KEL: variants seen among roughly 807,000 people sequenced by gnomAD.
KEL encodes kell blood group glycoprotein.
In KEL, 96 loss-of-function variants were observed where a neutral mutation model predicts 99.5. That is an observed-to-expected ratio of 0.97 (90% CI 0.82 to 1.14). The LOEUF (loss-of-function observed/expected upper bound fraction) is 1.14. KEL is among the 50% of genes most tolerant of loss of function. The pLI is 0.00. For missense variants in KEL, 926 were observed against 924.2 expected, an observed-to-expected ratio of 1.00 and a Z score of -0.03; for synonymous variants, 355 against 354.8, an observed-to-expected ratio of 1.00 and a Z score of -0.01.
In KEL at chr7:142,952,642, T is replaced by G; in HGVS notation, c.1074-4A>C. ...CATGTGGCTCTGCAGAAAGTCCCTA[T>G]GGAGACAAAAGAGACCCACACATAT... On this transcript the variant is annotated splice_polypyrimidine_tract_variant and splice_region_variant and intron_variant, in intron 9 of 18. Coordinates refer to ENST00000355265, the MANE Select transcript of KEL (RefSeq NM_000420.3). 2 of 1,613,942 alleles carry G rather than the reference T, an allele frequency of 1.2e-6. 1 individual carries two copies. The highest frequency in any genetic ancestry group is 2.2e-5 in the South Asian group (2 of 91,064).
At position 142,952,621 on chromosome 7, in the gene KEL, T is replaced by A. The variant is rs138434225; in HGVS notation, c.1091A>T (p.His364Leu). Residue 364 changes from histidine to leucine, a missense_variant, in exon 10 of 19, where the codon CAC becomes CTC. Coordinates refer to ENST00000355265, the MANE Select transcript of KEL (RefSeq NM_000420.3). ...LLKQRDFLQSHMILGLVVTLS... is the reference protein window; with the variant it reads ...LLKQRDFLQSLMILGLVVTLS... ...GGTCACCACCAGCCCTAAGATCATG[T>A]GGCTCTGCAGAAAGTCCCTATGGAG... is the stretch of plus-strand genomic sequence containing the variant. The A allele has an allele frequency of 1.9e-6, 3 of 1,614,142 alleles. No individual in the cohort carries two copies. The highest frequency in any genetic ancestry group is 3.3e-5 in the Admixed American group (2 of 60,030).
chr7:142,945,773 C>A (rs1469216104), intron 11 of KEL, among the ~76,000 whole-genome samples: 2 of 152,084 alleles, frequency 1.3e-5, no homozygotes, highest in African/African-American at 2.4e-5. Flanking sequence ...GGATTACAGG[C>A]ATGCACCACC....
At position 142,942,429 on chromosome 7, in the gene KEL, C is replaced by T. The variant is rs1796383522; in HGVS notation, c.2037+5G>A. ...AAGCTGTGGCGGGAGGTGGCCGCTG[C>T]CTACCTGGGCATAGCTTCGAAAGAA... On this transcript the variant is annotated splice_donor_5th_base_variant and intron_variant, in intron 18 of 18. Coordinates refer to ENST00000355265, the MANE Select transcript of KEL (RefSeq NM_000420.3). 2 of 1,574,628 alleles carry T rather than the reference C, an allele frequency of 1.3e-6. No individual in the cohort carries two copies. The highest frequency in any genetic ancestry group is 1.7e-6 in the Non-Finnish European group (2 of 1,157,662).
Position 142,943,741 on chromosome 7 carries a change from T to C in KEL, c.1592+42A>G, listed in dbSNP as rs777253256. ...TCCTTTCCTGTGAATCATGGATGGG[T>C]CTCTCTGGGATGGAGTGCCTGTGTC... On this transcript the variant is annotated intron_variant, in intron 14 of 18. Coordinates refer to ENST00000355265, the MANE Select transcript of KEL (RefSeq NM_000420.3). The C allele has an allele frequency of 1.9e-6, 3 of 1,567,618 alleles. No individual in the cohort carries two copies. The South Asian group carries it at 3.3e-5, about 17-fold the overall frequency.
chr7:142,955,763 T>C (rs6958998), intron 6 of KEL, among the ~76,000 whole-genome samples: 12,257 of 152,222 alleles, frequency 0.081, 1,154 homozygotes, highest in African/African-American at 0.23. Context: ...CACTTGACCC[T>C]TTTGCTACAT....
rs766267455 is a variant in KEL at position 142,943,407 on chromosome 7, A to C, written c.1704-64T>G. 4.7e-5 allele frequency: 75 copies of C among 1,608,636 alleles called. 1 individual carries two copies. The South Asian group carries it at 5.5e-4, about 12-fold the overall frequency. On this transcript the variant is annotated intron_variant, in intron 15 of 18. Coordinates refer to ENST00000355265, the MANE Select transcript of KEL (RefSeq NM_000420.3). Reference sequence around the variant, plus strand: ...CAGCATTTGTGACCCCAATTCTCCAACCGTAAGTCCCATCCATCATAACAC... The same window carrying C: ...CAGCATTTGTGACCCCAATTCTCCACCCGTAAGTCCCATCCATCATAACAC...
chr7:142,946,771 C>T (rs772568945), intron 10 of KEL, among the ~76,000 whole-genome samples: 3 of 152,212 alleles, frequency 2.0e-5, no homozygotes, highest in Non-Finnish European at 4.4e-5. Flanking sequence ...ACCACCATCA[C>T]CTTTATCCTC....
In KEL at chr7:142,952,596, G is replaced by A. The variant is rs1219347286; in HGVS notation, c.1116C>T (p.Thr372=). ...ATTGACTGTCCAGGGCTGGAGAAAG[G>A]GTCACCACCAGCCCTAAGATCATGT... is the stretch of plus-strand genomic sequence containing the variant. ...QSHMILGLVV[T]LSPALDSQFQ... is the part of the protein sequence containing the mutation. The change falls in exon 10 of 19, where the codon ACC becomes ACT. Residue 372 remains threonine (T), a synonymous_variant. Transcript: ENST00000355265. The A allele has an allele frequency of 2.5e-6, 4 of 1,613,880 alleles. No homozygotes were observed. The highest frequency in any genetic ancestry group is 4.5e-5 in the East Asian group (2 of 44,870).
chr7:142,944,967 C>T lies in KEL; in HGVS notation c.1315-226G>A, dbSNP rs1796484738. The T allele has an allele frequency of 2.5e-5, 15 of 607,074 alleles. No homozygotes were observed. The South Asian group carries it at 2.5e-4, about 10-fold the overall frequency. The allele number at this position is 607,074 out of a possible 1,614,324, so 37.6% of individuals were successfully genotyped here. A position where few individuals can be genotyped will look rare whatever the true frequency, so the allele number is the denominator to read the frequency against. On this transcript the variant is annotated intron_variant, in intron 11 of 18. Transcript: ENST00000355265. ...GGTGGGGCCTGGCCATCCGTGAGGG[C>T]CATCAGGGAGATATAGTTCCTTTCC...
Position 142,944,416 on chromosome 7 carries a change from G to A in KEL, c.1414-16C>T. 6.2e-7 allele frequency: 1 copy of A among 1,600,188 alleles called. No individual in the cohort carries two copies. The highest frequency in any genetic ancestry group is 1.1e-5 in the South Asian group (1 of 90,842). ...GTTGAGCAACCTGGAGAGAGACACAGAAGAGGCTAGGAATACTCTCCGAGT... is the reference window on the plus strand; with the variant it reads ...GTTGAGCAACCTGGAGAGAGACACAAAAGAGGCTAGGAATACTCTCCGAGT... On this transcript the variant is annotated splice_polypyrimidine_tract_variant and intron_variant, in intron 12 of 18. Transcript: ENST00000355265.
chr7:142,951,841 G>A (rs759708862), intron 10 of KEL, among the ~76,000 whole-genome samples: 1 of 152,016 alleles, frequency 6.6e-6, no homozygotes. Flanking sequence ...CTAAACTGAG[G>A]CCTTCACTGA....
At chr7:142,960,826 A>C in intron 4 of KEL, 102 bp downstream of exon 4, 1 of 1,182,538 alleles carries the variant, frequency 8.5e-7, no homozygotes, top group South Asian at 1.2e-5. Context: ...GGATGGTGCA[A>C]ATCAGTTGTT....
chr7:142,957,892 GGCCAT>G lies in KEL; in HGVS notation c.602_606del (p.Tyr201SerfsTer29). The G allele has an allele frequency of 1.2e-6, 2 of 1,614,078 alleles. No individual in the cohort carries two copies. The highest frequency in any genetic ancestry group is 1.7e-6 in the Non-Finnish European group (2 of 1,179,988). On this transcript the variant is annotated frameshift_variant, in exon 6 of 19. Transcript: ENST00000355265. LOFTEE classifies it high-confidence loss of function. ...AGGTAGGCTCTGAAGAAAGGGAAAT[GGCCAT>G]ACTGACTCATCAGAAGTCTCAGCGT...
At chr7:142,956,507 C>T (rs1190503984) in intron 6 of KEL, among the ~76,000 whole-genome samples, 3 of 151,748 alleles carry the variant, frequency 2.0e-5, no homozygotes, top group South Asian at 2.1e-4. Context: ...CAGGCTCAAC[C>T]TTATGTCTTC....
intron 12 of KEL, 27 bp from the exon 13 acceptor site, chr7:142,944,427 G>A: frequency 1.3e-6 from 2 of 1,573,926 alleles, no homozygotes; most frequent in Non-Finnish European, 1.7e-6. Flanking sequence ...AAGAGGCTAG[G>A]AATACTCTCC....
chr7:142,953,742 C>T lies in KEL; in HGVS notation c.1073+66G>A, dbSNP rs1280538664. ...GCCTTCCCCAAGGTTTCCTTTGCCC[C>T]CAAGATCTACGGTGCTCAGGCTCTC... On this transcript the variant is annotated intron_variant, in intron 9 of 18. Transcript: ENST00000355265. 2.5e-6 allele frequency: 4 copies of T among 1,593,076 alleles called. No individual in the cohort carries two copies. In the African/African-American group the frequency reaches 5.4e-5, roughly 21 times the overall value.
intron 5 of KEL, 81 bp from the exon 6 acceptor site, chr7:142,958,054 G>T: frequency 1.3e-6 from 2 of 1,526,364 alleles, no homozygotes; most frequent in Non-Finnish European, 1.8e-6. Context: ...TTACACAGCT[G>T]CTACTGCCTG....
intron 9 of KEL, among the ~76,000 whole-genome samples, chr7:142,952,986 A>G (rs1192038554): frequency 6.6e-6 from 1 of 152,098 alleles, no homozygotes; most frequent in African/African-American, 2.4e-5. Flanking sequence ...AGCATAAGTA[A>G]GCTGGTCTCT....
At chr7:142,959,293 G>C (rs1176679371) in intron 4 of KEL, among the ~76,000 whole-genome samples, 2 of 152,258 alleles carry the variant, frequency 1.3e-5, no homozygotes, top group East Asian at 3.9e-4. Flanking sequence ...TATGGAAGGA[G>C]GGGGAGGAAT....
Sources: gnomAD v4.1 joint callset for allele counts (sites outside exome capture counted in the v4.1 genomes callset) on GRCh38, gnomAD v4.1.1 for gene constraint, MANE v1.5 for transcripts, NCBI Gene and HGNC (gene_info 2026-07-23, HGNC 2026-07-21) for gene names.